Variants in IL1RAPL1 observed in about 807,000 individuals in gnomAD.
IL1RAPL1 encodes the protein interleukin-1 receptor accessory protein-like 1.
Under a neutral mutation model 48.4 loss-of-function variants are expected in IL1RAPL1, and 3 were observed. The ratio of observed to expected loss-of-function variants is 0.06; its 90% CI spans 0.03 to 0.16. The LOEUF (loss-of-function observed/expected upper bound fraction) is 0.16, where lower values mean the gene tolerates loss of function less well. IL1RAPL1 is among the 10% of genes least tolerant of loss of function. IL1RAPL1 has a pLI of 1.00. For missense variants in IL1RAPL1, 349 were observed against 530.6 expected (o/e 0.66, Z 3.36); for synonymous variants, 185 against 187.7 (o/e 0.99, Z 0.12).
At chrX:28,676,539 C>G (rs1457038606) in intron 1 of IL1RAPL1, among the ~76,000 whole-genome samples, 5 of 111,125 alleles carry the variant, frequency 4.5e-5, no homozygotes, top group East Asian at 2.8e-4. Flanking sequence ...TTGAGACCAG[C>G]CTGGCCAACG....
intron 2 of IL1RAPL1, among the ~76,000 whole-genome samples, chrX:29,019,034 A>G (rs1926303570): frequency 8.9e-6 from 1 of 111,987 alleles, no homozygotes; most frequent in Admixed American, 9.5e-5. Flanking sequence ...CTTTCCTCAC[A>G]AGACAGTAAG....
chrX:29,223,273 A>C (rs1382368430), intron 2 of IL1RAPL1, among the ~76,000 whole-genome samples: 1 of 111,802 alleles, frequency 8.9e-6, no homozygotes, highest in Admixed American at 9.5e-5. Flanking sequence ...GCACACACAT[A>C]CACATATGTG....
At chrX:29,377,828 A>G (rs1311536882) in intron 3 of IL1RAPL1, among the ~76,000 whole-genome samples, 1 of 111,038 alleles carries the variant, frequency 9.0e-6, no homozygotes, top group African/African-American at 3.3e-5. Context: ...TCTGATGACT[A>G]TGTGCCTTGG....
At chrX:29,044,655 T>C (rs1330101698) in intron 2 of IL1RAPL1, among the ~76,000 whole-genome samples, 2 of 110,967 alleles carry the variant, frequency 1.8e-5, no homozygotes, top group African/African-American at 6.6e-5. Context: ...TGGAAAATCC[T>C]GCCCAGTACT....
At chrX:29,247,440 A>T (rs1181457767) in intron 2 of IL1RAPL1, among the ~76,000 whole-genome samples, 2 of 92,686 alleles carry the variant, frequency 2.2e-5, no homozygotes, top group East Asian at 2.9e-4. Flanking sequence ...ACAGAGAAAT[A>T]AAAAAAAAAA....
At chrX:29,846,393 G>A (rs1375799077) in intron 6 of IL1RAPL1, among the ~76,000 whole-genome samples, 2 of 111,689 alleles carry the variant, frequency 1.8e-5, no homozygotes, top group Non-Finnish European at 3.8e-5. Flanking sequence ...CAAAGAGGAC[G>A]GAAGAAATAG....
At chrX:28,913,961 T>G (rs1027275788) in intron 2 of IL1RAPL1, among the ~76,000 whole-genome samples, 1 of 111,738 alleles carries the variant, frequency 8.9e-6, no homozygotes, top group Non-Finnish European at 1.9e-5. Context: ...GTTATCATTT[T>G]TCCTAATACC....
chrX:29,299,188 C>G (rs1025936291), intron 3 of IL1RAPL1, among the ~76,000 whole-genome samples: 1 of 111,252 alleles, frequency 9.0e-6, no homozygotes, highest in Non-Finnish European at 1.9e-5. Flanking sequence ...CGGGCTGGCT[C>G]TCCTTGCTCC....
chrX:29,282,039 C>T (rs776586367), intron 2 of IL1RAPL1, among the ~76,000 whole-genome samples: 27 of 110,996 alleles, frequency 2.4e-4, no homozygotes, highest in Non-Finnish European at 4.9e-4. Flanking sequence ...GGGCACTAAT[C>T]CCATCAAGAG....
In IL1RAPL1 at chrX:29,603,902, G is replaced by A. The variant is rs1266904222; in HGVS notation, c.704-64528G>A. ...ATATTCTAGGAAGTAAATCACTGAC[G>A]AAAAGGTGGCAACTTTTGAATTACT... On this transcript the variant is annotated intron_variant, in intron 5 of 10. Coordinates refer to ENST00000378993, the MANE Select transcript of IL1RAPL1 (RefSeq NM_014271.4). Among the ~76,000 whole-genome samples the A allele has an allele frequency of 7.2e-5, 8 of 111,863 alleles. No homozygotes were observed. In the East Asian group the frequency reaches 1.7e-3, roughly 23 times the overall value.
chrX:29,080,924 T>TTTTCTTTCTTTCTTTCTTTCTTTCTTTTC (rs1927790253), intron 2 of IL1RAPL1, among the ~76,000 whole-genome samples: 2 of 67,907 alleles, frequency 2.9e-5, no homozygotes, highest in Admixed American at 1.8e-4. Context: ...TTTAAATATT[T>TTTTCTTTCTTTCTTTCTTTCTTTCTTTTC]TTTCTTTCTT....
intron 3 of IL1RAPL1, among the ~76,000 whole-genome samples, chrX:29,355,598 C>A (rs935027850): frequency 2.5e-4 from 28 of 111,869 alleles, no homozygotes; most frequent in Non-Finnish European, 2.1e-4. Flanking sequence ...AAAGTAAAAA[C>A]GAGCGTGAGA....
At chrX:28,631,761 C>T (rs1274075235) in intron 1 of IL1RAPL1, among the ~76,000 whole-genome samples, 4 of 112,653 alleles carry the variant, frequency 3.6e-5, no homozygotes, top group African/African-American at 1.3e-4. Flanking sequence ...GGACTTCTGA[C>T]TATCCTAATA....
intron 2 of IL1RAPL1, among the ~76,000 whole-genome samples, chrX:28,838,636 G>T (rs976938402): frequency 9.1e-6 from 1 of 109,849 alleles, no homozygotes; most frequent in Non-Finnish European, 1.9e-5. Context: ...AAACAAACTC[G>T]GGTTTTTGTC....
At chrX:29,053,088 C>T (rs972250579) in intron 2 of IL1RAPL1, among the ~76,000 whole-genome samples, 1 of 111,162 alleles carries the variant, frequency 9.0e-6, no homozygotes. Context: ...CTCATGGGTT[C>T]TCATCATTTA....
At chrX:29,633,799 C>G (rs1207636643) in intron 5 of IL1RAPL1, among the ~76,000 whole-genome samples, 1 of 108,389 alleles carries the variant, frequency 9.2e-6, no homozygotes, top group South Asian at 3.7e-4. Flanking sequence ...TCCACATGAT[C>G]TTCCTTCCTG....
chrX:29,773,960 A>G (rs1025193442), intron 6 of IL1RAPL1, among the ~76,000 whole-genome samples: 2 of 111,958 alleles, frequency 1.8e-5, no homozygotes, highest in African/African-American at 6.5e-5. Flanking sequence ...CTCTATATAC[A>G]TATATAGAGG....
chrX:28,684,346 A>T (rs1935090997), intron 1 of IL1RAPL1, among the ~76,000 whole-genome samples: 1 of 111,773 alleles, frequency 8.9e-6, no homozygotes, highest in Admixed American at 9.5e-5. Context: ...TCTAGTGTTT[A>T]CAACATTCTA....
chrX:29,848,595 T>A (rs2147197289), intron 6 of IL1RAPL1, among the ~76,000 whole-genome samples: 1 of 111,218 alleles, frequency 9.0e-6, no homozygotes, highest in African/African-American at 3.3e-5. Context: ...ATAGTTATGG[T>A]TTTTGTTTGT....
Sources: gnomAD v4.1 joint callset for allele counts (sites outside exome capture counted in the v4.1 genomes callset) on GRCh38, gnomAD v4.1.1 for gene constraint, MANE v1.5 for transcripts, NCBI Gene and HGNC (gene_info 2026-07-23, HGNC 2026-07-21) for gene names.